Variants in YIPF7 observed in about 807,000 individuals in gnomAD.
YIPF7 encodes Yip1 domain family member 7.
In YIPF7, 35 loss-of-function variants were observed where a neutral mutation model predicts 27.2. That is an observed-to-expected ratio of 1.29 (90% CI 0.98 to 1.70). The LOEUF (loss-of-function observed/expected upper bound fraction) is 1.70, where lower values mean the gene tolerates loss of function less well. YIPF7 is among the 40% of genes most tolerant of loss of function. The pLI is 0.00. For synonymous variants in YIPF7, 137 were observed against 110.4 expected, an observed-to-expected ratio of 1.24 and a Z score of -1.51; for missense variants, 358 against 303.7, an observed-to-expected ratio of 1.18 and a Z score of -1.33.
At chr4:44,657,989 T>G (rs906581018) in intron 2 of YIPF7, among the ~76,000 whole-genome samples, 1 of 151,986 alleles carries the variant, frequency 6.6e-6, no homozygotes, top group African/African-American at 2.4e-5. Flanking sequence ...GAGGCTGAGG[T>G]GGGAGGATCA....
At position 44,660,113 on chromosome 4, in the gene YIPF7, C is replaced by CAAAAAAAAAAAAAA. The variant is rs11461675; in HGVS notation, c.-2+322_-2+335dup. Among the ~76,000 whole-genome samples, 128 of 25,518 alleles carry CAAAAAAAAAAAAAA rather than the reference C, an allele frequency of 5.0e-3. 45 individuals carry two copies. The highest frequency in any genetic ancestry group is 8.2e-3 in the Admixed American group (12 of 1,464). 16.7% of individuals were successfully genotyped at this position (25,518 alleles called of 152,430 possible). A position where few individuals can be genotyped will look rare whatever the true frequency, so the allele number is the denominator to read the frequency against. On this transcript the variant is annotated intron_variant, in intron 2 of 2. Transcript: ENST00000508947. ...TGGGTGACAGAGCAAGACTCTGTCT[C>CAAAAAAAAAAAAAA]AAAAAAAAAAAAAAAAAAAAAAACG... is the stretch of plus-strand genomic sequence containing the variant.
At chr4:44,650,390 A>G (rs1713687178) in intron 1 of YIPF7, among the ~76,000 whole-genome samples, 1 of 152,208 alleles carries the variant, frequency 6.6e-6, no homozygotes. Flanking sequence ...TCTTCTCCAA[A>G]TATCTTATTC....
chr4:44,659,494 A>G (rs528629209), intron 2 of YIPF7, among the ~76,000 whole-genome samples: 1 of 152,218 alleles, frequency 6.6e-6, no homozygotes, highest in Non-Finnish European at 1.5e-5. Flanking sequence ...AAATTGAAAA[A>G]GAAAAAGAAG....
chr4:44,623,429 T>C (rs1440148744), intron 5 of YIPF7, among the ~76,000 whole-genome samples: 3 of 152,204 alleles, frequency 2.0e-5, no homozygotes, highest in Admixed American at 6.5e-5. Context: ...TCAAGATCTC[T>C]CCTAGCATAG....
At chr4:44,634,880 A>G (rs1384789451) in intron 3 of YIPF7, among the ~76,000 whole-genome samples, 1 of 152,214 alleles carries the variant, frequency 6.6e-6, no homozygotes, top group Non-Finnish European at 1.5e-5. Flanking sequence ...CTAGGTGTTT[A>G]TTACTTGTAG....
At chr4:44,626,078 T>G (rs1459113227) in intron 4 of YIPF7, among the ~76,000 whole-genome samples, 1 of 152,224 alleles carries the variant, frequency 6.6e-6, no homozygotes, top group Non-Finnish European at 1.5e-5. Flanking sequence ...ATTTTAATGT[T>G]CAAAATTGTT....
chr4:44,656,903 A>C (rs148200437), intron 2 of YIPF7, among the ~76,000 whole-genome samples: 4 of 152,296 alleles, frequency 2.6e-5, no homozygotes, highest in Non-Finnish European at 5.9e-5. Context: ...ATTACTTACT[A>C]TTTTGACTAA....
chr4:44,661,039 G>A (rs533577499), intron 1 of YIPF7, among the ~76,000 whole-genome samples: 1 of 152,256 alleles, frequency 6.6e-6, no homozygotes, highest in African/African-American at 2.4e-5. Context: ...ACTAAAGCAG[G>A]AACTGTTAAG....
rs528933650 is a variant in YIPF7 at position 44,631,721 on chromosome 4, TCAC to T, written c.281-2176_281-2174del. ...GTATGCTTTGAAGAATATGAGCAGTTCACCAAGCTTAAAAGGAGGTTAGAATGT... is the reference window on the plus strand; with the variant it reads ...GTATGCTTTGAAGAATATGAGCAGTTCAAGCTTAAAAGGAGGTTAGAATGT... On this transcript the variant is annotated intron_variant, in intron 3 of 5. Coordinates refer to ENST00000415895, the MANE Select transcript of YIPF7 (RefSeq NM_182592.3). Among the ~76,000 whole-genome samples the T allele has an allele frequency of 1.3e-3, 196 of 152,248 alleles. 1 individual carries two copies. The highest frequency in any genetic ancestry group is 4.2e-3 in the African/African-American group (174 of 41,572).
upstream of YIPF7, among the ~76,000 whole-genome samples, chr4:44,652,781 G>T (rs902561428): frequency 6.6e-6 from 1 of 152,098 alleles, no homozygotes; most frequent in Non-Finnish European, 1.5e-5. Context: ...ACTGGGCATT[G>T]TTCTACAAAC....
intron 2 of YIPF7, among the ~76,000 whole-genome samples, chr4:44,649,100 T>C (rs140467167): frequency 6.6e-6 from 1 of 152,328 alleles, no homozygotes; most frequent in East Asian, 1.9e-4. Flanking sequence ...ATTTCATCGT[T>C]ATATTTGGAT....
rs150158244 is a variant in YIPF7, at chr4:44,634,604, T to C, written c.280+1318A>G. On this transcript the variant is annotated intron_variant, in intron 3 of 5. Transcript: ENST00000415895. ...ATACTTAAGTACTCAGATGCATATA[T>C]ATTCATTGAAAAAATAGTATTTTAC... Among the ~76,000 whole-genome samples the C allele has an allele frequency of 1.4e-3, 214 of 152,246 alleles. 6 individuals are homozygous for C. The East Asian group carries it at 0.04, about 28-fold the overall frequency.
At chr4:44,649,622 A>AG (rs1459108821) in intron 2 of YIPF7, among the ~76,000 whole-genome samples, 3 of 151,938 alleles carry the variant, frequency 2.0e-5, no homozygotes, top group Non-Finnish European at 4.4e-5. Flanking sequence ...CATTAAAAAA[A>AG]AAAAAAAATA....
intron 4 of YIPF7, 102 bp from the exon 5 acceptor site, chr4:44,624,884 G>A (rs901758382): frequency 4.6e-6 from 5 of 1,079,440 alleles, no homozygotes; most frequent in South Asian, 3.5e-5. Context: ...GTTCAGTGCT[G>A]TTCCATGTCT....
chr4:44,660,802 A>C (rs929326362), intron 1 of YIPF7, among the ~76,000 whole-genome samples: 3 of 152,220 alleles, frequency 2.0e-5, no homozygotes, highest in African/African-American at 4.8e-5. Flanking sequence ...CTATTAGTGG[A>C]AGCTCAAAGG....
At position 44,651,583 on chromosome 4, in the gene YIPF7, C is replaced by T. The variant is rs769246770; in HGVS notation, c.-31G>A. ...GTTTATTTTTTATAGAAAGATCCTCCAGTAAATGTAGCTTTGTGTGAGAAA... is the reference window on the plus strand; with the variant it reads ...GTTTATTTTTTATAGAAAGATCCTCTAGTAAATGTAGCTTTGTGTGAGAAA... On this transcript the variant is annotated 5_prime_UTR_variant, in exon 1 of 6. Coordinates refer to ENST00000415895, the MANE Select transcript of YIPF7 (RefSeq NM_182592.3). The T allele has an allele frequency of 1.9e-6, 3 of 1,587,394 alleles. No homozygotes were observed. Among genetic ancestry groups the T allele is most frequent in the Non-Finnish European group, 1.7e-6 (2 of 1,165,632 alleles).
At chr4:44,640,748 C>A (rs1238887128) in intron 2 of YIPF7, among the ~76,000 whole-genome samples, 1 of 152,146 alleles carries the variant, frequency 6.6e-6, no homozygotes, top group Non-Finnish European at 1.5e-5. Flanking sequence ...AGGAGCAGTA[C>A]CTGCTTCCTG....
At position 44,622,123 on chromosome 4, in the gene YIPF7, C is replaced by T; in HGVS notation, c.*291G>A. 6.8e-6 allele frequency: 2 copies of T among 296,018 alleles called. No homozygotes were observed. Among genetic ancestry groups the T allele is most frequent in the Non-Finnish European group, 1.3e-5 (2 of 159,280 alleles). 18.3% of individuals were successfully genotyped at this position (296,018 alleles called of 1,614,324 possible). On this transcript the variant is annotated 3_prime_UTR_variant, in exon 6 of 6. Coordinates refer to ENST00000415895, the MANE Select transcript of YIPF7 (RefSeq NM_182592.3). ...GTAAACATATGAGTTTATTTACTTA[C>T]TTTTCTCAGAAATACCTCTATTGAG...
intron 2 of YIPF7, among the ~76,000 whole-genome samples, chr4:44,660,213 A>G (rs1037736155): frequency 7.9e-5 from 12 of 151,812 alleles, no homozygotes; most frequent in African/African-American, 2.4e-4. Flanking sequence ...GCAATTGAAC[A>G]CTTTGCAATT....
Sources: allele counts gnomAD v4.1 joint callset (sites outside exome capture counted in the v4.1 genomes callset), GRCh38; gene constraint gnomAD v4.1.1; transcripts MANE v1.5; gene names NCBI Gene and HGNC (gene_info 2026-07-23, HGNC 2026-07-21).